Variants in BMERB1 observed in about 807,000 individuals in gnomAD.
BMERB1 encodes the protein bMERB domain-containing protein 1.
Under a neutral mutation model 23.6 loss-of-function variants are expected in BMERB1, and 12 were observed. The ratio of observed to expected loss-of-function variants is 0.51; its 90% CI spans 0.33 to 0.82. The LOEUF is 0.82. Among genes scored for constraint, BMERB1 ranks in the 40% least tolerant of loss-of-function variants. BMERB1 has a pLI of 0.03. For synonymous variants in BMERB1, 122 were observed against 96.6 expected (o/e 1.26, Z -1.54); for missense variants, 247 against 255.4 (o/e 0.97, Z 0.22).
At chr16:15,535,870 C>T (rs1290575988) in intron 2 of BMERB1, among the ~76,000 whole-genome samples, 2 of 152,040 alleles carry the variant, frequency 1.3e-5, no homozygotes, top group African/African-American at 4.8e-5. Flanking sequence ...AAGCAGGCAC[C>T]TTCTTCACAA....
intron 1 of BMERB1, among the ~76,000 whole-genome samples, chr16:15,441,214 T>C (rs153799): frequency 0.16 from 23,806 of 152,076 alleles, 2,408 homozygotes; most frequent in East Asian, 0.4. Flanking sequence ...TGAACTGTTA[T>C]GTTTTTTGAG....
chr16:15,470,613 A>C (rs1385505291), intron 1 of BMERB1, among the ~76,000 whole-genome samples: 2 of 149,942 alleles, frequency 1.3e-5, no homozygotes. Context: ...GCAACCTCCA[A>C]CTCTCAGGTT....
intron 3 of BMERB1, among the ~76,000 whole-genome samples, chr16:15,572,340 G>T (rs1351399569): frequency 6.6e-6 from 1 of 152,186 alleles, no homozygotes; most frequent in African/African-American, 2.4e-5. Flanking sequence ...AATGACAGTA[G>T]AACTGAATCC....
intron 1 of BMERB1, among the ~76,000 whole-genome samples, chr16:15,494,877 C>CTTTTTTTTTTTTT (rs754135430): frequency 1.5e-3 from 147 of 95,152 alleles, no homozygotes; most frequent in East Asian, 2.5e-3. Flanking sequence ...TTTTTTTTAT[C>CTTTTTTTTTTTTT]TTTTTTTTTT....
intron 2 of BMERB1, among the ~76,000 whole-genome samples, chr16:15,565,458 T>C (rs1735617261): frequency 1.3e-5 from 2 of 152,230 alleles, no homozygotes; most frequent in Admixed American, 1.3e-4. Context: ...TTACCTTCTG[T>C]CTCTGCTAGC....
intron 1 of BMERB1, among the ~76,000 whole-genome samples, chr16:15,469,634 C>T (rs191098655): frequency 1.9e-3 from 286 of 152,216 alleles, no homozygotes; most frequent in Non-Finnish European, 3.2e-3. Context: ...ATATGTCTCC[C>T]GATTTATTGA....
At chr16:15,522,626 G>C (rs891565360) in intron 2 of BMERB1, among the ~76,000 whole-genome samples, 1 of 152,184 alleles carries the variant, frequency 6.6e-6, no homozygotes. Context: ...GAGAGGTCAA[G>C]TCTCTTGCCC....
chr16:15,537,489 G>T (rs2052036387), intron 2 of BMERB1, among the ~76,000 whole-genome samples: 1 of 151,854 alleles, frequency 6.6e-6, no homozygotes, highest in African/African-American at 2.4e-5. Flanking sequence ...CAGTAGCGGG[G>T]ATTACAGGTG....
intron 1 of BMERB1, among the ~76,000 whole-genome samples, chr16:15,450,718 G>A (rs2051034673): frequency 6.6e-6 from 1 of 152,136 alleles, no homozygotes; most frequent in Admixed American, 6.5e-5. Context: ...GGATTCATCT[G>A]CCTCAGCCTC....
chr16:15,463,869 A>G (rs376076485), intron 1 of BMERB1, among the ~76,000 whole-genome samples: 2,171 of 132,800 alleles, frequency 0.016, 60 homozygotes, highest in African/African-American at 0.053. Flanking sequence ...CTTTTTGTGT[A>G]TGCTTTAAAA....
Position 15,586,884 on chromosome 16 carries a change from A to C in BMERB1, c.*55A>C, listed in dbSNP as rs2031161465. Reference sequence around the variant, plus strand: ...GACCCCCCCCCACCCTCTTGTCTTTATAGCCCCCATTTCACCGGGGCCCAA... The same window carrying C: ...GACCCCCCCCCACCCTCTTGTCTTTCTAGCCCCCATTTCACCGGGGCCCAA... On this transcript the variant is annotated 3_prime_UTR_variant, in exon 6 of 6. Coordinates refer to ENST00000300006, the MANE Select transcript of BMERB1 (RefSeq NM_033201.3). 1 of 1,142,170 alleles carries C rather than the reference A, an allele frequency of 8.8e-7. No homozygotes were observed. Among genetic ancestry groups the C allele is most frequent in the African/African-American group, 1.6e-5 (1 of 61,764 alleles). 70.8% of individuals were successfully genotyped at this position (1,142,170 alleles called of 1,614,324 possible).
chr16:15,441,944 T>C (rs1302394654), intron 1 of BMERB1, among the ~76,000 whole-genome samples: 1 of 152,188 alleles, frequency 6.6e-6, no homozygotes, highest in Non-Finnish European at 1.5e-5. Flanking sequence ...ATCAATTTTA[T>C]TTTGGAGAAG....
intron 1 of BMERB1, among the ~76,000 whole-genome samples, chr16:15,464,827 G>A (rs534795874): frequency 1.3e-5 from 2 of 152,214 alleles, no homozygotes; most frequent in East Asian, 3.9e-4. Flanking sequence ...ATTGCACCCT[G>A]TTTTATCAGT....
chr16:15,495,925 G>A (rs563592621), intron 1 of BMERB1, among the ~76,000 whole-genome samples: 4 of 152,130 alleles, frequency 2.6e-5, no homozygotes, highest in Non-Finnish European at 2.9e-5. Flanking sequence ...GGAATTCTGA[G>A]TTTGGCTGCT....
At chr16:15,515,242 C>T (rs2051733249) in intron 1 of BMERB1, 63 bp from the exon 2 acceptor site, 1 of 1,606,182 alleles carries the variant, frequency 6.2e-7, no homozygotes, top group African/African-American at 1.3e-5. Flanking sequence ...GGAACCATGT[C>T]AGGGTCTGTC....
intron 2 of BMERB1, among the ~76,000 whole-genome samples, chr16:15,565,221 T>C (rs1271522849): frequency 6.6e-6 from 1 of 152,136 alleles, no homozygotes; most frequent in Non-Finnish European, 1.5e-5. Context: ...GGACTCAGAC[T>C]CCGAAGGGTC....
In BMERB1 at chr16:15,447,419, G is replaced by A. The variant is rs538965263; in HGVS notation, c.106+12660G>A. ...ACAGTATGGGGGAAACCGCCCCCAT[G>A]ATCCAATTACCTCCCACCAGGTCCC... On this transcript the variant is annotated intron_variant, in intron 1 of 5. Coordinates refer to ENST00000300006, the MANE Select transcript of BMERB1 (RefSeq NM_033201.3). 5.3e-5 allele frequency among the ~76,000 whole-genome samples: 8 copies of A among 152,260 alleles called. No homozygotes were observed. The South Asian group carries it at 1.2e-3, about 24-fold the overall frequency.
At chr16:15,539,987 T>TC (rs982090693) in intron 2 of BMERB1, among the ~76,000 whole-genome samples, 23 of 151,868 alleles carry the variant, frequency 1.5e-4, no homozygotes, top group African/African-American at 5.6e-4. Flanking sequence ...ATGACGAAAC[T>TC]CCGTCTTTAC....
chr16:15,566,706 T>G (rs1318386480), intron 2 of BMERB1, among the ~76,000 whole-genome samples: 1 of 151,968 alleles, frequency 6.6e-6, no homozygotes, highest in African/African-American at 2.4e-5. Context: ...TAAAAATAGA[T>G]GACTGTATAT....
Sources: allele counts gnomAD v4.1 joint callset (sites outside exome capture counted in the v4.1 genomes callset), GRCh38; gene constraint gnomAD v4.1.1; transcripts MANE v1.5; gene names NCBI Gene and HGNC (gene_info 2026-07-23, HGNC 2026-07-21).